Variants in CHM observed in about 807,000 individuals in gnomAD.
CHM encodes the protein rab proteins geranylgeranyltransferase component A 1.
A neutral mutation model predicts 49.0 loss-of-function variants in CHM; 10 were observed. The ratio of observed to expected loss-of-function variants is 0.20; its 90% CI spans 0.13 to 0.35. The LOEUF (loss-of-function observed/expected upper bound fraction) is 0.35. Ranked by LOEUF, CHM falls within the 10% of genes least tolerant of loss-of-function variation. The probability of loss-of-function intolerance (pLI) is 1.00; values close to 1 mark genes in which losing one functional copy is unlikely to be tolerated. For missense variants in CHM, 455 were observed against 478.4 expected (o/e 0.95, Z 0.46); for synonymous variants, 184 against 167.5 (o/e 1.10, Z -0.76).
At chrX:85,913,313 CAAAAAAA>C (rs1169192160) in intron 8 of CHM, among the ~76,000 whole-genome samples, 1 of 8,056 alleles carries the variant, frequency 1.2e-4, no homozygotes, top group Non-Finnish European at 2.3e-4. Flanking sequence ...AAGACTCTGT[CAAAAAAA>C]AAAAAAAAAA....
At chrX:85,965,104 C>A in intron 4 of CHM, among the ~76,000 whole-genome samples, 1 of 112,250 alleles carries the variant, frequency 8.9e-6, no homozygotes, top group East Asian at 2.8e-4. Flanking sequence ...CACCTACTTT[C>A]CAACATGGCA....
chrX:85,940,107 G>A (rs757450111), intron 8 of CHM, among the ~76,000 whole-genome samples: 40 of 111,558 alleles, frequency 3.6e-4, no homozygotes, highest in South Asian at 7.5e-4. Context: ...GAACAAGCAC[G>A]TCTTACCATG....
intron 8 of CHM, among the ~76,000 whole-genome samples, chrX:85,927,596 C>T (rs1042606979): frequency 8.9e-5 from 10 of 112,067 alleles, no homozygotes; most frequent in Admixed American, 4.7e-4. Context: ...CAGATAATTG[C>T]GTATATCTGG....
intron 12 of CHM, among the ~76,000 whole-genome samples, chrX:85,885,020 C>A (rs1389732517): frequency 9.1e-6 from 1 of 110,430 alleles, no homozygotes; most frequent in African/African-American, 3.3e-5. Flanking sequence ...TTAGTCAAAC[C>A]TGATTAGTCA....
intron 11 of CHM, among the ~76,000 whole-genome samples, chrX:85,899,250 C>A (rs1192735431): frequency 9.0e-6 from 1 of 111,154 alleles, no homozygotes; most frequent in East Asian, 2.8e-4. Flanking sequence ...CTCTATGGAA[C>A]TGGGGGTAAG....
At chrX:85,956,482 A>G in intron 7 of CHM, 104 bp from the exon 8 acceptor site, 4 of 1,037,449 alleles carry the variant, frequency 3.9e-6, no homozygotes, top group Non-Finnish European at 5.1e-6. Context: ...CTCACAAAGG[A>G]CATAGGTGGT....
chrX:86,002,025 T>C (rs1395264100), intron 2 of CHM, among the ~76,000 whole-genome samples: 4 of 111,326 alleles, frequency 3.6e-5, no homozygotes, highest in South Asian at 3.8e-4. Flanking sequence ...CAGGTGGATA[T>C]AGACATATGG....
At chrX:86,020,405 G>A (rs1372662627) in intron 2 of CHM, among the ~76,000 whole-genome samples, 3 of 109,167 alleles carry the variant, frequency 2.7e-5, no homozygotes, top group African/African-American at 1.0e-4. Context: ...AAAACCTTTT[G>A]AGTGCCAATA....
At chrX:85,905,546 G>C (rs1179077292) in intron 9 of CHM, among the ~76,000 whole-genome samples, 1 of 111,844 alleles carries the variant, frequency 8.9e-6, no homozygotes, top group Non-Finnish European at 1.9e-5. Context: ...GAATTACACA[G>C]TACTAGAAGA....
chrX:85,878,805 T>C (rs933531417), intron 13 of CHM, among the ~76,000 whole-genome samples, 160 bp downstream of exon 13: 1 of 111,460 alleles, frequency 9.0e-6, no homozygotes, highest in African/African-American at 3.3e-5. Context: ...TTCCCACATG[T>C]TTAGGCAGAC....
chrX:85,872,952 T>G, intron 14 of CHM, 100 bp downstream of exon 14: 1 of 826,621 alleles, frequency 1.2e-6, no homozygotes, highest in East Asian at 3.2e-5. Flanking sequence ...ATGGTACTAC[T>G]GAGAGATGCT....
chrX:86,012,177 A>C (rs1933106567), intron 2 of CHM, among the ~76,000 whole-genome samples: 1 of 112,072 alleles, frequency 8.9e-6, no homozygotes, highest in South Asian at 3.8e-4. Flanking sequence ...AGAGAAATTC[A>C]AAATTCAACA....
intron 2 of CHM, among the ~76,000 whole-genome samples, chrX:85,994,128 C>T (rs1400987526): frequency 8.9e-6 from 1 of 111,997 alleles, no homozygotes; most frequent in African/African-American, 3.2e-5. Context: ...CCTTTGGCAC[C>T]AGACAAATCT....
chrX:86,025,039 T>C (rs1048460655), intron 2 of CHM, among the ~76,000 whole-genome samples: 3 of 110,983 alleles, frequency 2.7e-5, no homozygotes, highest in Non-Finnish European at 5.7e-5. Flanking sequence ...TCAGGAGATA[T>C]CATCAGTATG....
At chrX:85,984,893 T>A (rs1345325606) in intron 2 of CHM, among the ~76,000 whole-genome samples, 2 of 112,290 alleles carry the variant, frequency 1.8e-5, no homozygotes, top group African/African-American at 6.5e-5. Flanking sequence ...AAAAAGTTAA[T>A]CTATGATGAA....
At chrX:85,929,089 G>C (rs746018285) in intron 8 of CHM, among the ~76,000 whole-genome samples, 1 of 111,548 alleles carries the variant, frequency 9.0e-6, no homozygotes, top group South Asian at 3.8e-4. Flanking sequence ...CAGAAAGCTT[G>C]AACGTAAGAA....
chrX:86,013,761 G>A (rs1378440183), intron 2 of CHM, among the ~76,000 whole-genome samples: 2 of 76,928 alleles, frequency 2.6e-5, no homozygotes, highest in South Asian at 4.5e-4. Flanking sequence ...GAAAAACAAT[G>A]TAATAAATTG....
chrX:85,934,133 A>G (rs1928614233), intron 8 of CHM, among the ~76,000 whole-genome samples: 2 of 109,554 alleles, frequency 1.8e-5, no homozygotes, highest in Non-Finnish European at 3.8e-5. Context: ...AAGGCCTGCC[A>G]CTACACCAGT....
intron 8 of CHM, among the ~76,000 whole-genome samples, chrX:85,941,751 C>T (rs112426670): frequency 0.033 from 3,654 of 110,606 alleles, 160 homozygotes; most frequent in African/African-American, 0.11. Context: ...TAATATTTGT[C>T]TATTTACGAA....
Sources: gnomAD v4.1 joint callset for allele counts (sites outside exome capture counted in the v4.1 genomes callset) on GRCh38, gnomAD v4.1.1 for gene constraint, MANE v1.5 for transcripts, NCBI Gene and HGNC (gene_info 2026-07-23, HGNC 2026-07-21) for gene names.